PCDHA13: variants seen among roughly 807,000 people sequenced by gnomAD.
PCDHA13 encodes protocadherin alpha 13.
A neutral mutation model predicts 64.8 loss-of-function variants in PCDHA13; 54 were observed. The ratio of observed to expected loss-of-function variants is 0.83; its 90% CI spans 0.67 to 1.04. The LOEUF (loss-of-function observed/expected upper bound fraction) is 1.04. Among genes scored for constraint, PCDHA13 ranks in the 50% least tolerant of loss-of-function variants. The probability of loss-of-function intolerance (pLI) is 0.00; values close to 1 mark genes in which losing one functional copy is unlikely to be tolerated. For synonymous variants in PCDHA13, 587 were observed against 564.4 expected (o/e 1.04, Z -0.57); for missense variants, 1,248 against 1,254.3 (o/e 0.99, Z 0.08).
chr5:140,950,809 A>G (rs1554219635), intron 1 of PCDHA13, among the ~76,000 whole-genome samples: 1 of 152,102 alleles, frequency 6.6e-6, no homozygotes, highest in African/African-American at 2.4e-5. Context: ...GTTTTACCAT[A>G]GTAGGGTTAA....
chr5:140,947,754 G>A (rs1295200380), intron 1 of PCDHA13, among the ~76,000 whole-genome samples: 2 of 151,334 alleles, frequency 1.3e-5, no homozygotes, highest in African/African-American at 2.4e-5. Flanking sequence ...TGTATTTTAT[G>A]GTTTAAAAAA....
At chr5:140,929,103 G>C (rs1424047708) in intron 1 of PCDHA13, 1 of 1,614,062 alleles carries the variant, frequency 6.2e-7, no homozygotes, top group East Asian at 2.2e-5. Flanking sequence ...ATCCTTGCAT[G>C]ACATCAGCCA....
At chr5:140,987,429 G>A (rs1402576200) in intron 3 of PCDHA13, among the ~76,000 whole-genome samples, 1 of 152,096 alleles carries the variant, frequency 6.6e-6, no homozygotes, top group Non-Finnish European at 1.5e-5. Context: ...GAAGCAGGGG[G>A]CCTTTCCCCA....
chr5:140,992,460 G>T (rs1554252924), intron 3 of PCDHA13, among the ~76,000 whole-genome samples: 1 of 152,170 alleles, frequency 6.6e-6, no homozygotes, highest in African/African-American at 2.4e-5. Context: ...GCAGAGGACA[G>T]TACTCTTTAG....
intron 2 of PCDHA13, among the ~76,000 whole-genome samples, chr5:140,981,835 T>C (rs991736759): frequency 6.6e-6 from 1 of 152,162 alleles, no homozygotes; most frequent in Non-Finnish European, 1.5e-5. Context: ...TCTAAAGGTC[T>C]CCCAGTTTGT....
intron 1 of PCDHA13, among the ~76,000 whole-genome samples, chr5:140,958,643 T>C (rs2095435479): frequency 1.3e-5 from 2 of 152,020 alleles, no homozygotes. Flanking sequence ...AGAAAACCAA[T>C]CACAGAAAGC....
chr5:141,010,118 T>C lies in PCDHA13; in HGVS notation c.*181T>C. 6.2e-7 allele frequency: 1 copy of C among 1,608,728 alleles called. No homozygotes were observed. The highest frequency in any genetic ancestry group is 8.5e-7 in the Non-Finnish European group (1 of 1,177,116). ...TTAACAGGTTTTGTCGTAAAAGCTT[T>C]ACTAAGTCTGGTGTTAACTCTTTCT... On this transcript the variant is annotated 3_prime_UTR_variant, in exon 4 of 4. Transcript: ENST00000289272.
At chr5:140,950,127 GAC>G (rs1554219301) in intron 1 of PCDHA13, among the ~76,000 whole-genome samples, 2 of 151,794 alleles carry the variant, frequency 1.3e-5, no homozygotes, top group Non-Finnish European at 2.9e-5. Context: ...AAACCCACAA[GAC>G]ACAGTTATAA....
At position 140,882,164 on chromosome 5, in the gene PCDHA13, C is replaced by A; in HGVS notation, c.-105C>A. The A allele has an allele frequency of 6.6e-7, 1 of 1,509,950 alleles. No homozygotes were observed. Among genetic ancestry groups the A allele is most frequent in the Non-Finnish European group, 8.9e-7 (1 of 1,129,366 alleles). 93.5% of individuals were successfully genotyped at this position (1,509,950 alleles called of 1,614,324 possible). ...ATAGCAGAAAGCGGAATACCTCTTG[C>A]GAATCCTTCCGCACTAGGAAGCCAT... On this transcript the variant is annotated 5_prime_UTR_variant, in exon 1 of 4. Transcript: ENST00000289272.
At chr5:140,969,232 C>G in intron 1 of PCDHA13, 1 of 1,614,066 alleles carries the variant, frequency 6.2e-7, no homozygotes, top group Non-Finnish European at 8.5e-7. Flanking sequence ...CTTCGGGAGC[C>G]CAAGCAGCAG....
rs2059374287 is a variant in PCDHA13, at chr5:140,882,944, G to A, written c.676G>A (p.Val226Ile). The A allele has an allele frequency of 1.2e-6, 2 of 1,614,088 alleles. No individual in the cohort carries two copies. The highest frequency in any genetic ancestry group is 8.5e-7 in the Non-Finnish European group (1 of 1,180,056). Residue 226 changes from valine (V) to isoleucine (I), a missense_variant, in exon 1 of 4, where the codon GTT (valine) becomes ATT (isoleucine). Val to Ile is a conservative substitution (Grantham distance 29). Transcript: ENST00000289272. ...DGGKPELTGT[V>I]QLLITILDVN... ...AGGTAAACCCGAGCTGACTGGCACAGTTCAGCTGCTCATCACGATTCTGGA... is the reference window on the plus strand; with the variant it reads ...AGGTAAACCCGAGCTGACTGGCACAATTCAGCTGCTCATCACGATTCTGGA...
chr5:140,952,444 A>C (rs2094747203), intron 1 of PCDHA13, among the ~76,000 whole-genome samples: 2 of 152,178 alleles, frequency 1.3e-5, no homozygotes. Flanking sequence ...GGCATAATAC[A>C]GCCAGGCTCT....
intron 1 of PCDHA13, among the ~76,000 whole-genome samples, chr5:140,934,368 C>A (rs2089796426): frequency 6.6e-6 from 1 of 152,102 alleles, no homozygotes; most frequent in African/African-American, 2.4e-5. Context: ...TGCTTTGACT[C>A]CTTCTGTGGT....
chr5:141,006,869 C>T (rs190273260), intron 3 of PCDHA13, among the ~76,000 whole-genome samples: 50 of 152,182 alleles, frequency 3.3e-4, no homozygotes, highest in African/African-American at 1.0e-3. Flanking sequence ...GGAATAGATT[C>T]GAGGAATCAA....
At chr5:140,926,850 G>A (rs375350613) in intron 1 of PCDHA13, 3 of 1,517,570 alleles carry the variant, frequency 2.0e-6, no homozygotes, top group African/African-American at 2.8e-5. Flanking sequence ...CTGGGTCACC[G>A]TTGGTGTAGC....
At chr5:140,933,513 G>A (rs2089204044) in intron 1 of PCDHA13, among the ~76,000 whole-genome samples, 1 of 152,012 alleles carries the variant, frequency 6.6e-6, no homozygotes, top group African/African-American at 2.4e-5. Context: ...AAAGACTACA[G>A]CTGTTTTGTT....
In PCDHA13 at chr5:140,884,577, T is replaced by G; in HGVS notation, c.2309T>G (p.Met770Arg). The part of the protein sequence containing the change: ...SGEGPHKTDL[M>R]AFSPSLPPCL... ...GAGGGCCCGCATAAGACGGACCTCA[T>G]GGCCTTCAGTCCCAGCCTTCCTCCT... The change falls in exon 1 of 4, where the codon ATG (methionine) becomes AGG (arginine). Residue 770 changes from methionine (M) to arginine (R), a missense_variant. Coordinates refer to ENST00000289272, the MANE Select transcript of PCDHA13 (RefSeq NM_018904.3). The G allele has an allele frequency of 6.2e-7, 1 of 1,614,230 alleles. No homozygotes were observed. Among genetic ancestry groups the G allele is most frequent in the Non-Finnish European group, 8.5e-7 (1 of 1,180,020 alleles).
At chr5:140,902,514 T>C (rs1288692863) in intron 1 of PCDHA13, among the ~76,000 whole-genome samples, 1 of 152,128 alleles carries the variant, frequency 6.6e-6, no homozygotes, top group Non-Finnish European at 1.5e-5. Flanking sequence ...CTGTCATATA[T>C]GGTTTTTATT....
chr5:140,936,091 C>T (rs782416143), intron 1 of PCDHA13, among the ~76,000 whole-genome samples: 2 of 152,046 alleles, frequency 1.3e-5, no homozygotes, highest in Non-Finnish European at 2.9e-5. Flanking sequence ...CAGGGTTTCA[C>T]CATGTTGGCC....
Sources: gnomAD v4.1 joint callset for allele counts (sites outside exome capture counted in the v4.1 genomes callset) on GRCh38, gnomAD v4.1.1 for gene constraint, MANE v1.5 for transcripts, NCBI Gene and HGNC (gene_info 2026-07-23, HGNC 2026-07-21) for gene names.